Variants in ERC2 observed in about 807,000 individuals in gnomAD.
ERC2 encodes ELKS/RAB6-interacting/CAST family member 2.
A neutral mutation model predicts 114.8 loss-of-function variants in ERC2; 42 were observed. That is an observed-to-expected ratio of 0.37 (90% confidence interval 0.29 to 0.47). The LOEUF (loss-of-function observed/expected upper bound fraction) is 0.47, where lower values mean the gene tolerates loss of function less well. ERC2 is among the 20% of genes least tolerant of loss of function. ERC2 has a pLI of 0.99. For synonymous variants in ERC2, 454 were observed against 425.5 expected, an observed-to-expected ratio of 1.07 and a Z score of -0.82; for missense variants, 939 against 1,150.7, an observed-to-expected ratio of 0.82 and a Z score of 2.66.
intron 14 of ERC2, among the ~76,000 whole-genome samples, chr3:55,870,100 G>A (rs1339082325): frequency 1.3e-5 from 2 of 151,706 alleles, no homozygotes; most frequent in East Asian, 3.9e-4. Flanking sequence ...TTTGAGACAG[G>A]GTCTCACTCT....
intron 13 of ERC2, among the ~76,000 whole-genome samples, chr3:55,924,716 A>C (rs923627879): frequency 4.6e-5 from 7 of 152,154 alleles, no homozygotes; most frequent in African/African-American, 1.7e-4. Context: ...AGTTAGAACT[A>C]AAAGCCAAGA....
intron 17 of ERC2, among the ~76,000 whole-genome samples, chr3:55,581,242 C>T (rs1017889735): frequency 2.6e-5 from 4 of 152,144 alleles, no homozygotes; most frequent in African/African-American, 7.2e-5. Context: ...AGTCTCCCAT[C>T]GCCACTTCCT....
chr3:55,638,113 C>T (rs2060029637), intron 17 of ERC2, among the ~76,000 whole-genome samples: 1 of 152,184 alleles, frequency 6.6e-6, no homozygotes, highest in African/African-American at 2.4e-5. Flanking sequence ...GGCCCAGGGC[C>T]CCATTCCTCC....
chr3:56,059,982 G>T (rs1409420625), intron 7 of ERC2, among the ~76,000 whole-genome samples: 4 of 152,172 alleles, frequency 2.6e-5, no homozygotes, highest in African/African-American at 7.2e-5. Context: ...AAATGTGTCT[G>T]TTCTCTGAAT....
rs181563928 is a variant in ERC2, at chr3:55,722,273, G to A, written c.2712+12498C>T. On this transcript the variant is annotated intron_variant, in intron 15 of 17. Coordinates refer to ENST00000288221, the MANE Select transcript of ERC2 (RefSeq NM_015576.3). ...ATAATGTCATCTAAACACTAGTGTT[G>A]TGGGGTTCTGGCTCCCCCACCTTGT... is the stretch of plus-strand genomic sequence containing the variant. 4.6e-5 allele frequency among the ~76,000 whole-genome samples: 7 copies of A among 152,198 alleles called. No homozygotes were observed. In the East Asian group the frequency reaches 1.4e-3, roughly 29 times the overall value.
intron 17 of ERC2, among the ~76,000 whole-genome samples, chr3:55,603,663 GC>G (rs2058514812): frequency 1.6e-5 from 2 of 128,710 alleles, no homozygotes; most frequent in East Asian, 2.1e-4. Flanking sequence ...AAAAAAAAAA[GC>G]CCTTTGCCTC....
chr3:55,762,591 G>C (rs549864691), intron 14 of ERC2, among the ~76,000 whole-genome samples: 1 of 152,078 alleles, frequency 6.6e-6, no homozygotes, highest in African/African-American at 2.4e-5. Context: ...AGTTAGTTGG[G>C]TCAAGCAAAC....
At chr3:56,391,312 G>A (rs924041396) in intron 2 of ERC2, among the ~76,000 whole-genome samples, 2 of 152,162 alleles carry the variant, frequency 1.3e-5, no homozygotes, top group African/African-American at 4.8e-5. Context: ...AACTTCCAAT[G>A]TGCACCATTG....
At chr3:55,610,998 G>A (rs905583495) in intron 17 of ERC2, 2 of 152,148 alleles carry the variant, frequency 1.3e-5, no homozygotes, top group African/African-American at 4.8e-5. Flanking sequence ...GAAGAGGTTG[G>A]TGTTATCAGA....
At chr3:55,768,389 T>C (rs1672242207) in intron 14 of ERC2, among the ~76,000 whole-genome samples, 2 of 152,210 alleles carry the variant, frequency 1.3e-5, no homozygotes, top group African/African-American at 2.4e-5. Context: ...ACCAACTCTG[T>C]AATAGGCACT....
chr3:55,721,126 T>C (rs546745079), intron 15 of ERC2, among the ~76,000 whole-genome samples: 1 of 152,330 alleles, frequency 6.6e-6, no homozygotes, highest in East Asian at 1.9e-4. Context: ...GGCAATTGTA[T>C]CTTGATGGGA....
At chr3:55,958,751 G>C (rs1488311190) in intron 12 of ERC2, among the ~76,000 whole-genome samples, 1 of 152,226 alleles carries the variant, frequency 6.6e-6, no homozygotes, top group Non-Finnish European at 1.5e-5. Flanking sequence ...CAGCGCCCAG[G>C]CTTGGCCACA....
At chr3:55,526,534 G>A (rs1340819493) in intron 17 of ERC2, among the ~76,000 whole-genome samples, 2 of 152,276 alleles carry the variant, frequency 1.3e-5, no homozygotes, top group South Asian at 2.1e-4. Flanking sequence ...CTCTCCCAAG[G>A]GTGGCTGTCC....
Position 56,160,230 on chromosome 3 carries a change from T to C in ERC2, c.1150-11098A>G, listed in dbSNP as rs546443541. ...ATGGCTTCTCACTGTGGTTTTTATT[T>C]GCTTCTCTCTGATGATTATGTTTGT... On this transcript the variant is annotated intron_variant, in intron 4 of 17. Transcript: ENST00000288221. Among the ~76,000 whole-genome samples, 18 of 152,302 alleles carry C rather than the reference T, an allele frequency of 1.2e-4. No homozygotes were observed. In the South Asian group the frequency reaches 3.7e-3, roughly 32 times the overall value.
intron 10 of ERC2, among the ~76,000 whole-genome samples, chr3:55,997,866 T>C (rs1023988970): frequency 2.7e-5 from 4 of 147,098 alleles, no homozygotes; most frequent in Admixed American, 2.0e-4. Flanking sequence ...TGAAATGTTA[T>C]ACATCTTAAT....
At chr3:55,758,741 T>C (rs1463112216) in intron 14 of ERC2, among the ~76,000 whole-genome samples, 1 of 152,178 alleles carries the variant, frequency 6.6e-6, no homozygotes, top group African/African-American at 2.4e-5. Flanking sequence ...TTATTACACA[T>C]TAAAAGCCAA....
chr3:56,311,255 C>CTATATA (rs67320179), intron 2 of ERC2, among the ~76,000 whole-genome samples: 7 of 79,062 alleles, frequency 8.9e-5, no homozygotes, highest in East Asian at 3.5e-4. Flanking sequence ...CTCTCTCTCT[C>CTATATA]TATATATATA....
rs183626143 is a variant in ERC2 at position 56,039,102 on chromosome 3, A to C, written c.1642-20071T>G. ...CATCCTCACCCTCATACCACTCACC[A>C]GCCTAATTGCAAATAAACTACTTAG... On this transcript the variant is annotated intron_variant, in intron 7 of 17. Transcript: ENST00000288221. Among the ~76,000 whole-genome samples, 8 of 152,312 alleles carry C rather than the reference A, an allele frequency of 5.3e-5. No homozygotes were observed. The East Asian group carries it at 1.5e-3, about 29-fold the overall frequency.
chr3:55,817,348 G>A (rs2059941053), intron 14 of ERC2, among the ~76,000 whole-genome samples: 1 of 152,158 alleles, frequency 6.6e-6, no homozygotes, highest in South Asian at 2.1e-4. Context: ...ACAAATGGCT[G>A]AGCCTTTCCA....
Sources: allele counts gnomAD v4.1 joint callset (sites outside exome capture counted in the v4.1 genomes callset), GRCh38; gene constraint gnomAD v4.1.1; transcripts MANE v1.5; gene names NCBI Gene and HGNC (gene_info 2026-07-23, HGNC 2026-07-21).